Variants in RALGDS observed in about 807,000 individuals in gnomAD.
RALGDS encodes ral guanine nucleotide dissociation stimulator.
In RALGDS, 44 loss-of-function variants were observed where a neutral mutation model predicts 99.8. The ratio of observed to expected loss-of-function variants is 0.44; its 90% confidence interval spans 0.35 to 0.57. RALGDS has a LOEUF of 0.57. Among genes scored for constraint, RALGDS ranks in the 20% least tolerant of loss-of-function variants. RALGDS has a pLI of 0.01. For synonymous variants in RALGDS, 529 were observed against 505.0 expected (o/e 1.05, Z -0.64); for missense variants, 1,022 against 1,203.1 (o/e 0.85, Z 2.23).
upstream of RALGDS, among the ~76,000 whole-genome samples, chr9:133,123,203 C>G (rs1282289687): frequency 6.6e-6 from 1 of 152,126 alleles, no homozygotes; most frequent in Non-Finnish European, 1.5e-5. Context: ...TCCTCCCATC[C>G]CTTTCTTCTG....
chr9:133,106,493 G>A (rs1003368606), intron 8 of RALGDS, 152 bp downstream of exon 8: 9 of 626,510 alleles, frequency 1.4e-5, no homozygotes, highest in Admixed American at 1.4e-4. Flanking sequence ...AGCTTAGGAA[G>A]CCGAGCTCTG....
rs1831906287 is a variant in RALGDS, at chr9:133,120,993, G to T, written c.162C>A (p.Asp54Glu). 1 of 1,490,894 alleles carries T rather than the reference G, an allele frequency of 6.7e-7. No individual in the cohort carries two copies. Among genetic ancestry groups the T allele is most frequent in the Non-Finnish European group, 8.9e-7 (1 of 1,127,108 alleles). 92.4% of individuals were successfully genotyped at this position (1,490,894 alleles called of 1,614,324 possible). ...PVVLHSFTQL[D>E]PDLPRPESST... ...CCACCTCCGGGCGCGGCAGGTCGGGGTCTAGCTGCGTGAAGCTGTGCAGCA... is the reference window on the plus strand; with the variant it reads ...CCACCTCCGGGCGCGGCAGGTCGGGTTCTAGCTGCGTGAAGCTGTGCAGCA... The change falls in exon 1 of 18, where the codon GAC becomes GAA. Residue 54 changes from aspartate (D) to glutamate (E), a missense_variant. Physicochemically the swap from Asp to Glu is conservative, Grantham distance 45. This residue lies in a region of RALGDS where 180 missense variants were observed against 169.3 expected (regional missense o/e 1.06). Transcript: ENST00000372050.
chr9:133,105,351 G>A (rs1830965058), intron 9 of RALGDS, among the ~76,000 whole-genome samples: 1 of 152,170 alleles, frequency 6.6e-6, no homozygotes, highest in Non-Finnish European at 1.5e-5. Context: ...CACAGCTAAT[G>A]GGGTGCCATG....
chr9:133,135,176 G>C (rs904031479), upstream of RALGDS, among the ~76,000 whole-genome samples: 9 of 152,182 alleles, frequency 5.9e-5, no homozygotes, highest in Admixed American at 1.3e-4. Context: ...CCCTGCTCCA[G>C]GCTAGGGAGA....
chr9:133,106,978 G>T, intron 7 of RALGDS, 107 bp downstream of exon 7: 3 of 1,255,428 alleles, frequency 2.4e-6, no homozygotes, highest in Non-Finnish European at 2.3e-6. Context: ...AGGCCAGCAT[G>T]CCCCTGGGAA....
intron 1 of RALGDS, among the ~76,000 whole-genome samples, chr9:133,114,251 G>C (rs576521711): frequency 1.3e-5 from 2 of 152,198 alleles, no homozygotes; most frequent in African/African-American, 4.8e-5. Context: ...TCGGGGAGAC[G>C]CTCTAGCCCG....
intron 1 of RALGDS, among the ~76,000 whole-genome samples, chr9:133,128,314 A>C (rs370856960): frequency 2.0e-5 from 3 of 152,214 alleles, no homozygotes; most frequent in African/African-American, 7.2e-5. Flanking sequence ...GACAGGGCGC[A>C]GAGGGGCTGC....
rs1404547099 is a variant in RALGDS at position 133,098,311 on chromosome 9, A to G, written c.*276T>C. 1 of 506,978 alleles carries G rather than the reference A, an allele frequency of 2.0e-6. No individual in the cohort carries two copies. The highest frequency in any genetic ancestry group is 1.9e-5 in the African/African-American group (1 of 52,412). The allele number at this position is 506,978 out of a possible 1,614,324, so 31.4% of individuals were successfully genotyped here. A position where few individuals can be genotyped will look rare whatever the true frequency, so the allele number is the denominator to read the frequency against. On this transcript the variant is annotated 3_prime_UTR_variant, in exon 18 of 18. Transcript: ENST00000372050. ...GGTGGCGCCCGGGGGCAGGCAGGGC[A>G]CCATGCCATGCCCGTTGGCACTGCT...
At chr9:133,110,622 C>T (rs1831295626) in intron 2 of RALGDS, 133 bp from the exon 3 acceptor site, 1 of 817,300 alleles carries the variant, frequency 1.2e-6, no homozygotes, top group Admixed American at 2.0e-5. Flanking sequence ...AAAAGGTTAT[C>T]AGCTTTAAAA....
chr9:133,136,662 A>G (rs906506232), intron 1 of RALGDS, among the ~76,000 whole-genome samples: 1 of 152,182 alleles, frequency 6.6e-6, no homozygotes. Flanking sequence ...AACCCCAGCT[A>G]CTCGGGAGGC....
At chr9:133,104,202 G>GGGCCCTCCTCCCTACCCCCAGGCC (rs1830904450) in intron 10 of RALGDS, 61 bp downstream of exon 10, 15 of 1,518,832 alleles carry the variant, frequency 9.9e-6, no homozygotes, top group Admixed American at 5.0e-5. Flanking sequence ...AGAGAGGAAA[G>GGGCCCTCCTCCCTACCCCCAGGCC]GGCCCTCCTC....
At position 133,102,770 on chromosome 9, in the gene RALGDS, C is replaced by T. The variant is rs1056154753; in HGVS notation, c.1913+9G>A. 1.2e-5 allele frequency: 19 copies of T among 1,610,572 alleles called. No individual in the cohort carries two copies. Among genetic ancestry groups the T allele is most frequent in the Middle Eastern group, 1.7e-4 (1 of 6,056 alleles). ...CCCCCACTGTCCCCATTTGCTGCCC[C>T]GGCCTCACCTCTCAGTCTCGCTGAG... On this transcript the variant is annotated intron_variant, in intron 13 of 17. Coordinates refer to ENST00000372050, the MANE Select transcript of RALGDS (RefSeq NM_006266.4).
Position 133,098,400 on chromosome 9 carries a change from G to A in RALGDS, c.*187C>T. 1 of 648,392 alleles carries A rather than the reference G, an allele frequency of 1.5e-6. No individual in the cohort carries two copies. Among genetic ancestry groups the A allele is most frequent in the Non-Finnish European group, 2.7e-6 (1 of 371,852 alleles). The allele number at this position is 648,392 out of a possible 1,614,324, so 40.2% of individuals were successfully genotyped here. ...CAGAAGGCACCTAAGGCAGCGAGTG[G>A]TCCACGGGAGGCCAGGTCAGCCTGA... On this transcript the variant is annotated 3_prime_UTR_variant, in exon 18 of 18. Transcript: ENST00000372050.
chr9:133,133,258 G>T (rs1394908056), upstream of RALGDS, among the ~76,000 whole-genome samples: 4 of 152,230 alleles, frequency 2.6e-5, no homozygotes, highest in Non-Finnish European at 4.4e-5. Context: ...CCGGGGCAGT[G>T]GGCACTGAGC....
At chr9:133,101,420 A>G in intron 16 of RALGDS, 100 bp downstream of exon 16, 1 of 1,592,450 alleles carries the variant, frequency 6.3e-7, no homozygotes, top group Admixed American at 1.7e-5. Context: ...TTCCCCGCCA[A>G]CTACAAGGTA....
At chr9:133,115,808 G>A (rs1473591120) in intron 1 of RALGDS, among the ~76,000 whole-genome samples, 1 of 152,220 alleles carries the variant, frequency 6.6e-6, no homozygotes. Flanking sequence ...GGACCTAGCC[G>A]AGGGACACTG....
At position 133,098,464 on chromosome 9, in the gene RALGDS, A is replaced by G. The variant is rs1045217672; in HGVS notation, c.*123T>C. 2.9e-6 allele frequency: 3 copies of G among 1,031,116 alleles called. No individual in the cohort carries two copies. In the African/African-American group the frequency reaches 4.7e-5, roughly 16 times the overall value. The allele number at this position is 1,031,116 out of a possible 1,614,324, so 63.9% of individuals were successfully genotyped here. ...TCAATCCCAGCAGCGGGAGAGGTTC[A>G]GGATGAAACTGGAGTCTGGGGTACC... On this transcript the variant is annotated 3_prime_UTR_variant, in exon 18 of 18. Transcript: ENST00000372050.
intron 1 of RALGDS, among the ~76,000 whole-genome samples, chr9:133,140,282 C>A (rs1832496437): frequency 6.6e-6 from 1 of 152,052 alleles, no homozygotes; most frequent in African/African-American, 2.4e-5. Context: ...CAAAGGGCAC[C>A]CCCCCACACA....
chr9:133,121,380 G>T (rs1831939716), upstream of RALGDS: 1 of 256,392 alleles, frequency 3.9e-6, no homozygotes, highest in Non-Finnish European at 6.1e-6. Context: ...CCTCGCCGAG[G>T]TCAGACCCGG....
Sources: gnomAD v4.1 joint callset for allele counts (sites outside exome capture counted in the v4.1 genomes callset) on GRCh38, gnomAD v4.1.1 for gene constraint, gnomAD v4.1.1 regional missense constraint, MANE v1.5 for transcripts, NCBI Gene and HGNC (gene_info 2026-07-23, HGNC 2026-07-21) for gene names.